ZNF143: variants seen among roughly 807,000 people sequenced by gnomAD.
The protein encoded by ZNF143 is zinc finger protein 143.
In ZNF143, 49 loss-of-function variants were observed where a neutral mutation model predicts 74.1. That is an observed-to-expected ratio of 0.66 (90% CI 0.53 to 0.84). ZNF143 has a LOEUF of 0.84. ZNF143 is among the 40% of genes least tolerant of loss of function. The pLI is 0.00. For synonymous variants in ZNF143, 304 were observed against 282.8 expected (o/e 1.07, Z -0.75); for missense variants, 637 against 793.4 (o/e 0.80, Z 2.37).
chr11:9,492,636 A>C (rs1847824569), intron 7 of ZNF143, among the ~76,000 whole-genome samples: 1 of 152,178 alleles, frequency 6.6e-6, no homozygotes, highest in East Asian at 1.9e-4. Context: ...TCACAATCTT[A>C]ATTTTAGAAC....
chr11:9,493,289 C>T (rs908721396), intron 7 of ZNF143, among the ~76,000 whole-genome samples: 1 of 151,966 alleles, frequency 6.6e-6, no homozygotes, highest in Admixed American at 6.6e-5. Flanking sequence ...CCAGGATGGT[C>T]TCGATCTCTT....
intron 14 of ZNF143, 21 bp downstream of exon 14, chr11:9,516,383 T>C (rs773256907): frequency 4.4e-6 from 7 of 1,587,746 alleles, no homozygotes; most frequent in Non-Finnish European, 6.0e-6. Flanking sequence ...TTTTCTGTTA[T>C]GTCAATCAAT....
At chr11:9,474,684 G>A in intron 5 of ZNF143, 51 bp downstream of exon 5, 15 of 1,538,094 alleles carry the variant, frequency 9.8e-6, no homozygotes, top group African/African-American at 1.4e-5. Flanking sequence ...TGGGAGTGGT[G>A]GGGGAAAGAA....
intron 2 of ZNF143, 22 bp downstream of exon 2, chr11:9,471,442 G>A: frequency 6.6e-7 from 1 of 1,508,918 alleles, no homozygotes; most frequent in Non-Finnish European, 8.9e-7. Flanking sequence ...TGTTTGAAGG[G>A]ATGCGTTTGA....
intron 12 of ZNF143, 145 bp downstream of exon 12, chr11:9,508,991 A>G (rs186291990): frequency 2.2e-6 from 2 of 895,230 alleles, no homozygotes; most frequent in East Asian, 2.6e-5. Context: ...AGTAAGTGCT[A>G]TTGAAGAAAA....
chr11:9,523,563 G>T (rs10770038), intron 14 of ZNF143, among the ~76,000 whole-genome samples: 1 of 151,274 alleles, frequency 6.6e-6, no homozygotes, highest in Non-Finnish European at 1.5e-5. Context: ...GAAACCCCGT[G>T]TCTACTAAAA....
intron 7 of ZNF143, among the ~76,000 whole-genome samples, chr11:9,481,203 C>A (rs1314386922): frequency 2.6e-5 from 4 of 152,060 alleles, no homozygotes; most frequent in African/African-American, 7.2e-5. Flanking sequence ...GCCCGGGCAA[C>A]AAAGTGAGAC....
Position 9,513,072 on chromosome 11 carries a change from GCA to G in ZNF143, c.1524+479_1524+480del, listed in dbSNP as rs1450168286. ...GTATCTTGATTTCCCCCCAGGAAAAGCACAGTGTAATGGTTGTTCTCTGTTAG... is the reference window on the plus strand; with the variant it reads ...GTATCTTGATTTCCCCCCAGGAAAAGCAGTGTAATGGTTGTTCTCTGTTAG... On this transcript the variant is annotated intron_variant, in intron 13 of 15. Transcript: ENST00000396602. Among the ~76,000 whole-genome samples the G allele has an allele frequency of 5.3e-5, 8 of 152,316 alleles. No homozygotes were observed. In the East Asian group the frequency reaches 1.3e-3, roughly 26 times the overall value.
At chr11:9,465,892 A>G (rs1224031339) in intron 1 of ZNF143, among the ~76,000 whole-genome samples, 2 of 151,824 alleles carry the variant, frequency 1.3e-5, no homozygotes, top group Non-Finnish European at 2.9e-5. Context: ...TGGCACAATC[A>G]CAGCTCACTG....
chr11:9,475,908 A>G (rs1310897715), intron 5 of ZNF143, among the ~76,000 whole-genome samples: 11 of 117,672 alleles, frequency 9.3e-5, no homozygotes, highest in Non-Finnish European at 1.2e-4. Flanking sequence ...AAAAAAATAT[A>G]TATGTGTGTG....
intron 12 of ZNF143, 32 bp downstream of exon 12, chr11:9,508,878 G>A (rs1248237111): frequency 6.5e-7 from 1 of 1,543,694 alleles, no homozygotes; most frequent in East Asian, 2.4e-5. Context: ...TTTTGTTTCT[G>A]AGTTTGAGAA....
At chr11:9,502,502 C>T (rs1265420935) in intron 11 of ZNF143, among the ~76,000 whole-genome samples, 1 of 150,238 alleles carries the variant, frequency 6.7e-6, no homozygotes, top group East Asian at 2.1e-4. Flanking sequence ...CCCAGCTACT[C>T]CGGAGGCTGA....
intron 5 of ZNF143, among the ~76,000 whole-genome samples, chr11:9,477,738 G>C (rs1039823221): frequency 2.6e-5 from 4 of 152,242 alleles, no homozygotes; most frequent in South Asian, 4.1e-4. Context: ...AGGGACTGTG[G>C]AGTCATACTG....
chr11:9,494,918 C>G (rs1847907789), intron 8 of ZNF143, among the ~76,000 whole-genome samples, 153 bp downstream of exon 8: 4 of 152,156 alleles, frequency 2.6e-5, no homozygotes, highest in Admixed American at 2.6e-4. Flanking sequence ...ATGTAAAAAC[C>G]TATGCGGACT....
chr11:9,476,528 A>C (rs1312011594), intron 5 of ZNF143, among the ~76,000 whole-genome samples: 1 of 151,450 alleles, frequency 6.6e-6, no homozygotes, highest in African/African-American at 2.4e-5. Flanking sequence ...GCCCGCCACT[A>C]CACCCGGCTA....
At chr11:9,489,435 T>G (rs1847685345) in intron 7 of ZNF143, among the ~76,000 whole-genome samples, 1 of 152,148 alleles carries the variant, frequency 6.6e-6, no homozygotes, top group Non-Finnish European at 1.5e-5. Context: ...AAGTCTCCAC[T>G]ATAGACATTA....
At chr11:9,468,132 A>C (rs572946267) in intron 1 of ZNF143, among the ~76,000 whole-genome samples, 1 of 152,302 alleles carries the variant, frequency 6.6e-6, no homozygotes, top group Admixed American at 6.5e-5. Flanking sequence ...AGTTTTGCTG[A>C]AAGCAATCCA....
chr11:9,491,582 G>A (rs1847778724), intron 7 of ZNF143, among the ~76,000 whole-genome samples: 1 of 151,842 alleles, frequency 6.6e-6, no homozygotes, highest in Non-Finnish European at 1.5e-5. Context: ...GAGCTACAGT[G>A]AGCGGAGATC....
chr11:9,476,410 G>C (rs933406360), intron 5 of ZNF143, among the ~76,000 whole-genome samples: 1 of 151,946 alleles, frequency 6.6e-6, no homozygotes, highest in Non-Finnish European at 1.5e-5. Flanking sequence ...GTCTCGCTCT[G>C]TTGCCAGGCT....
Sources: allele counts gnomAD v4.1 joint callset (sites outside exome capture counted in the v4.1 genomes callset), GRCh38; gene constraint gnomAD v4.1.1; transcripts MANE v1.5; gene names NCBI Gene and HGNC (gene_info 2026-07-23, HGNC 2026-07-21).